COLEC12: variants seen among roughly 807,000 people sequenced by gnomAD.
COLEC12 encodes the protein collectin subfamily member 12, also known as collectin-12.
Under a neutral mutation model 71.1 loss-of-function variants are expected in COLEC12, and 33 were observed. The ratio of observed to expected loss-of-function variants is 0.46; its 90% CI spans 0.35 to 0.62. The LOEUF (loss-of-function observed/expected upper bound fraction) is 0.62, where lower values mean the gene tolerates loss of function less well. Ranked by LOEUF, COLEC12 falls within the 20% of genes least tolerant of loss-of-function variation. COLEC12 has a pLI of 0.00. For synonymous variants in COLEC12, 350 were observed against 353.0 expected (o/e 0.99, Z 0.10); for missense variants, 765 against 916.1 (o/e 0.84, Z 2.13).
At position 346,762 on chromosome 18, in the gene COLEC12, T is replaced by C; in HGVS notation, c.860A>G (p.Asn287Ser). ...ACCTGTGAATGAGTTGAGCTGGCTG[T>C]TCATATCCTCCAGGGTGTCGTTGTT... ...KANNDTLEDM[N>S]SQLNSFTGQM... The change falls in exon 5 of 10, where the codon AAC (asparagine) becomes AGC (serine). Residue 287 changes from asparagine (N) to serine (S), a missense_variant. Coordinates refer to ENST00000400256, the MANE Select transcript of COLEC12 (RefSeq NM_130386.3). The surrounding 1 kb of genome is among the most constrained non-coding windows in gnomAD (Gnocchi z 4.0). The C allele has an allele frequency of 6.2e-7, 1 of 1,614,264 alleles. No homozygotes were observed. Among genetic ancestry groups the C allele is most frequent in the East Asian group, 2.2e-5 (1 of 44,894 alleles).
chr18:396,806 G>C (rs1915581251), intron 2 of COLEC12, among the ~76,000 whole-genome samples: 1 of 152,214 alleles, frequency 6.6e-6, no homozygotes, highest in African/African-American at 2.4e-5. Context: ...TCTAAGGTTT[G>C]TTTGCCTTAA....
intron 1 of COLEC12, among the ~76,000 whole-genome samples, chr18:494,546 G>A (rs1917675322): frequency 6.6e-6 from 1 of 152,110 alleles, no homozygotes. Context: ...GGCTCTCTTG[G>A]TTTCAGAGCC....
chr18:365,449 G>T (rs1914834338), intron 2 of COLEC12, among the ~76,000 whole-genome samples: 1 of 152,292 alleles, frequency 6.6e-6, no homozygotes, highest in Admixed American at 6.5e-5. Context: ...GCCTTGATCA[G>T]TTTAAGCTTG....
intron 2 of COLEC12, among the ~76,000 whole-genome samples, chr18:379,299 T>C (rs974155085): frequency 2.6e-5 from 4 of 151,956 alleles, no homozygotes; most frequent in Non-Finnish European, 5.9e-5. Flanking sequence ...ATTTATTTTT[T>C]TATTTTTTGT....
At chr18:367,290 G>A (rs941339759) in intron 2 of COLEC12, among the ~76,000 whole-genome samples, 5 of 152,138 alleles carry the variant, frequency 3.3e-5, no homozygotes, top group African/African-American at 9.7e-5. Flanking sequence ...GTCGGGGCAT[G>A]TGAAAATTAT....
intron 2 of COLEC12, among the ~76,000 whole-genome samples, chr18:379,543 A>G (rs1053273092): frequency 1.3e-5 from 2 of 152,230 alleles, no homozygotes; most frequent in African/African-American, 4.8e-5. Context: ...AAAAGGAAGA[A>G]GTAAAAGGAA....
intron 3 of COLEC12, among the ~76,000 whole-genome samples, chr18:349,231 G>T (rs916811032): frequency 6.6e-6 from 1 of 152,202 alleles, no homozygotes; most frequent in African/African-American, 2.4e-5. Context: ...TAGGGACTTG[G>T]TGCCCTGCTT....
At position 398,031 on chromosome 18, in the gene COLEC12, C is replaced by T. The variant is rs530372099; in HGVS notation, c.59-40509G>A. On this transcript the variant is annotated intron_variant, in intron 2 of 9. Coordinates refer to ENST00000400256, the MANE Select transcript of COLEC12 (RefSeq NM_130386.3). ...TAAATACTTACACAGGTCCATGGCC[C>T]AGGTCTATGACCTAACTTTCTATGT... 4.6e-5 allele frequency among the ~76,000 whole-genome samples: 7 copies of T among 150,756 alleles called. No individual in the cohort carries two copies. In the South Asian group the frequency reaches 1.5e-3, roughly 32 times the overall value.
chr18:375,528 C>A (rs1465183808), intron 2 of COLEC12, among the ~76,000 whole-genome samples: 1 of 152,070 alleles, frequency 6.6e-6, no homozygotes, highest in Non-Finnish European at 1.5e-5. Flanking sequence ...ATTATGTTGC[C>A]CAGGCTGGAG....
chr18:428,277 A>C (rs1449145264), intron 2 of COLEC12, among the ~76,000 whole-genome samples: 1 of 151,932 alleles, frequency 6.6e-6, no homozygotes, highest in Non-Finnish European at 1.5e-5. Flanking sequence ...AAAAAAAAAA[A>C]GAGCTTTTTC....
intron 2 of COLEC12, among the ~76,000 whole-genome samples, chr18:434,119 A>T (rs1272627657): frequency 6.6e-6 from 1 of 152,254 alleles, no homozygotes; most frequent in Admixed American, 6.5e-5. Flanking sequence ...CATTACGCTT[A>T]TATGAGGTCA....
At chr18:425,987 G>A (rs554066521) in intron 2 of COLEC12, among the ~76,000 whole-genome samples, 1 of 152,202 alleles carries the variant, frequency 6.6e-6, no homozygotes, top group African/African-American at 2.4e-5. Context: ...AATCCTCACA[G>A]CAACCCTGTG....
intron 1 of COLEC12, among the ~76,000 whole-genome samples, chr18:490,782 G>C (rs929528960): frequency 1.3e-5 from 2 of 152,188 alleles, no homozygotes; most frequent in Non-Finnish European, 2.9e-5. Context: ...TTGACACAAA[G>C]CAGGTTTCCA....
At chr18:484,862 G>A (rs1432613153) in intron 1 of COLEC12, among the ~76,000 whole-genome samples, 2 of 152,204 alleles carry the variant, frequency 1.3e-5, no homozygotes, top group Non-Finnish European at 2.9e-5. Context: ...CAGCTGCTCA[G>A]TTAGCAAACA....
chr18:322,749 G>A (rs1044049883), intron 8 of COLEC12, among the ~76,000 whole-genome samples: 5 of 152,080 alleles, frequency 3.3e-5, no homozygotes, highest in African/African-American at 1.2e-4. Flanking sequence ...ACTCATTACC[G>A]CACTGGCCAC....
intron 5 of COLEC12, among the ~76,000 whole-genome samples, chr18:342,824 T>G (rs1914285659): frequency 6.6e-6 from 1 of 152,236 alleles, no homozygotes; most frequent in Admixed American, 6.5e-5. Flanking sequence ...CAGTGATAAA[T>G]GTGATAGTGT....
intron 2 of COLEC12, among the ~76,000 whole-genome samples, chr18:473,861 A>C: frequency 6.6e-6 from 1 of 152,232 alleles, no homozygotes; most frequent in Non-Finnish European, 1.5e-5. Flanking sequence ...AATAAAAACA[A>C]ACCACATTCA....
At chr18:395,853 A>G (rs1407057286) in intron 2 of COLEC12, among the ~76,000 whole-genome samples, 1 of 152,170 alleles carries the variant, frequency 6.6e-6, no homozygotes, top group African/African-American at 2.4e-5. Flanking sequence ...TGAAAAGCAC[A>G]TGTCACATCT....
At chr18:492,839 G>T (rs910856715) in intron 1 of COLEC12, among the ~76,000 whole-genome samples, 3 of 152,162 alleles carry the variant, frequency 2.0e-5, no homozygotes, top group African/African-American at 7.2e-5. Context: ...AACGTTTTGA[G>T]TTTAAGAGAC....
Sources: gnomAD v4.1 joint callset for allele counts (sites outside exome capture counted in the v4.1 genomes callset) on GRCh38, gnomAD v4.1.1 for gene constraint, Gnocchi (gnomAD v3.1) non-coding constraint, MANE v1.5 for transcripts, NCBI Gene and HGNC (gene_info 2026-07-23, HGNC 2026-07-21) for gene names.